The following ATP9B variants were observed in gnomAD, a reference collection of about 807,000 sequenced individuals.
ATP9B encodes the protein probable phospholipid-transporting ATPase IIB.
Under a neutral mutation model 146.1 loss-of-function variants are expected in ATP9B, and 110 were observed. The ratio of observed to expected loss-of-function variants is 0.75; its 90% CI spans 0.65 to 0.88. The LOEUF (loss-of-function observed/expected upper bound fraction) is 0.88. Ranked by LOEUF, ATP9B falls within the 40% of genes least tolerant of loss-of-function variation. The pLI, the probability that ATP9B is intolerant of heterozygous loss-of-function variation, is 0.00. For missense variants in ATP9B, 1,499 were observed against 1,496.4 expected, an observed-to-expected ratio of 1.00 and a Z score of -0.03; for synonymous variants, 604 against 569.7, an observed-to-expected ratio of 1.06 and a Z score of -0.86.
intron 2 of ATP9B, among the ~76,000 whole-genome samples, chr18:79,097,833 A>G (rs906650086): frequency 1.1e-4 from 17 of 148,390 alleles, no homozygotes; most frequent in African/African-American, 4.1e-4. Context: ...GCCGCAATAA[A>G]CATACGTGTG....
intron 4 of ATP9B, chr18:79,115,434 T>C (rs1431005071): frequency 1.4e-5 from 2 of 139,642 alleles, no homozygotes; most frequent in African/African-American, 3.0e-5. Context: ...ACAGTTCATA[T>C]GGAACCAAAA....
chr18:79,333,231 G>A (rs1220758464), intron 17 of ATP9B, among the ~76,000 whole-genome samples: 1 of 152,200 alleles, frequency 6.6e-6, no homozygotes, highest in Non-Finnish European at 1.5e-5. Context: ...GCTGAGAAAG[G>A]TCAGATGCCC....
chr18:79,152,644 T>A (rs1251728828), intron 6 of ATP9B, among the ~76,000 whole-genome samples: 1 of 152,056 alleles, frequency 6.6e-6, no homozygotes, highest in African/African-American at 2.4e-5. Context: ...GGAAAGAACT[T>A]TTTTTTTCTC....
chr18:79,255,897 A>G (rs1426293511), intron 12 of ATP9B, among the ~76,000 whole-genome samples: 2 of 152,124 alleles, frequency 1.3e-5, no homozygotes, highest in African/African-American at 4.8e-5. Flanking sequence ...TTTGGGTTAT[A>G]TTAGGTTATG....
intron 15 of ATP9B, among the ~76,000 whole-genome samples, chr18:79,315,302 A>G (rs1274499817): frequency 1.3e-5 from 2 of 152,198 alleles, no homozygotes; most frequent in African/African-American, 4.8e-5. Context: ...GTTTTGTCAG[A>G]TATATTTGTG....
intron 2 of ATP9B, among the ~76,000 whole-genome samples, chr18:79,102,985 CT>C (rs776296484): frequency 2.4e-4 from 37 of 152,262 alleles, no homozygotes; most frequent in Non-Finnish European, 4.3e-4. Context: ...ATCCTATAAC[CT>C]TGCTGAACTC....
intron 1 of ATP9B, among the ~76,000 whole-genome samples, chr18:79,078,716 G>C (rs1420092403): frequency 6.6e-6 from 1 of 151,052 alleles, no homozygotes; most frequent in Admixed American, 6.6e-5. Context: ...GAATGTGCAG[G>C]TTTGTTGCAT....
chr18:79,364,744 G>C (rs2097016095), intron 26 of ATP9B, among the ~76,000 whole-genome samples: 1 of 152,206 alleles, frequency 6.6e-6, no homozygotes, highest in South Asian at 2.1e-4. Context: ...GTTTTGGCCA[G>C]GTGCAGTGGC....
intron 2 of ATP9B, among the ~76,000 whole-genome samples, chr18:79,097,630 G>T (rs1198260025): frequency 2.9e-5 from 4 of 138,790 alleles, no homozygotes; most frequent in East Asian, 2.1e-4. Flanking sequence ...GCGGTATTTG[G>T]TTTTTTTGTT....
intron 15 of ATP9B, among the ~76,000 whole-genome samples, chr18:79,327,282 G>A (rs770864300): frequency 2.6e-5 from 4 of 152,220 alleles, no homozygotes; most frequent in Non-Finnish European, 5.9e-5. Context: ...TGAGAATGAG[G>A]TTGTGGTTTA....
intron 5 of ATP9B, among the ~76,000 whole-genome samples, chr18:79,137,631 A>G (rs898286159): frequency 6.6e-6 from 1 of 151,972 alleles, no homozygotes; most frequent in African/African-American, 2.4e-5. Context: ...CTTTCTGGAC[A>G]CTCAGTTTTT....
chr18:79,086,500 G>A (rs1228749279), intron 1 of ATP9B: 3 of 133,898 alleles, frequency 2.2e-5, no homozygotes, highest in Admixed American at 7.5e-5. Flanking sequence ...TGCCAGAATA[G>A]AAATGTTTTA....
chr18:79,304,421 A>G (rs1281285003), intron 14 of ATP9B, among the ~76,000 whole-genome samples: 1 of 152,168 alleles, frequency 6.6e-6, no homozygotes, highest in Admixed American at 6.5e-5. Flanking sequence ...TAGATTTGGA[A>G]TATTTGCATT....
chr18:79,303,556 C>T (rs1366008831), intron 13 of ATP9B, 48 bp from the exon 14 acceptor site: 25 of 1,498,178 alleles, frequency 1.7e-5, no homozygotes, highest in Non-Finnish European at 1.8e-5. Flanking sequence ...TGGGTGTTCC[C>T]GCAGGCCTCC....
rs568689701 is a variant in ATP9B at position 79,078,727 on chromosome 18, A to G, written c.119+9198A>G. On this transcript the variant is annotated intron_variant, in intron 1 of 29. Coordinates refer to ENST00000426216, the MANE Select transcript of ATP9B (RefSeq NM_198531.5). ...TGCAGAATGTGCAGGTTTGTTGCAT[A>G]GGTATACACATGCTGTGGTGGTTTG... 2.0e-5 allele frequency among the ~76,000 whole-genome samples: 3 copies of G among 150,906 alleles called. No individual in the cohort carries two copies. In the South Asian group the frequency reaches 6.3e-4, roughly 32 times the overall value.
At chr18:79,083,953 G>T (rs1351575608) in intron 1 of ATP9B, among the ~76,000 whole-genome samples, 1 of 151,164 alleles carries the variant, frequency 6.6e-6, no homozygotes, top group Non-Finnish European at 1.5e-5. Flanking sequence ...GCCTCTCCTG[G>T]CTTCAAGCGA....
chr18:79,314,820 T>C (rs2096670629), intron 15 of ATP9B, among the ~76,000 whole-genome samples: 1 of 152,202 alleles, frequency 6.6e-6, no homozygotes, highest in African/African-American at 2.4e-5. Context: ...ATATGTCCAG[T>C]GCAGTCGCAG....
In ATP9B at chr18:79,069,469, GCAAACGCGCGGCCTACTA is replaced by G; in HGVS notation, c.62_79del (p.Lys21_Tyr26del). 6.6e-7 allele frequency: 1 copy of G among 1,504,322 alleles called. No homozygotes were observed. Among genetic ancestry groups the G allele is most frequent in the Middle Eastern group, 2.2e-4 (1 of 4,580 alleles). 93.2% of individuals were successfully genotyped at this position (1,504,322 alleles called of 1,614,324 possible). A position where few individuals can be genotyped will look rare whatever the true frequency, so the allele number is the denominator to read the frequency against. On this transcript the variant is annotated inframe_deletion, in exon 1 of 30. Transcript: ENST00000426216. ...AGCGCAGCGGCGGCCGCAGCCAACC[GCAAACGCGCGGCCTACTA>G]CAGCGCCGCGGGGCCCAGGCCGGGA...
intron 5 of ATP9B, among the ~76,000 whole-genome samples, chr18:79,136,336 G>A (rs1381495748): frequency 6.6e-6 from 1 of 152,134 alleles, no homozygotes; most frequent in Non-Finnish European, 1.5e-5. Flanking sequence ...TTTCTCAGCA[G>A]TGTTTTGTTG....
Sources: gnomAD v4.1 joint callset for allele counts (sites outside exome capture counted in the v4.1 genomes callset) on GRCh38, gnomAD v4.1.1 for gene constraint, MANE v1.5 for transcripts, NCBI Gene and HGNC (gene_info 2026-07-23, HGNC 2026-07-21) for gene names.